The following NBN variants were observed in gnomAD, a reference collection of about 807,000 sequenced individuals.
The protein encoded by NBN is Nijmegen breakage syndrome 1 (nibrin).
NBN carries 88 observed loss-of-function variants against 90.8 expected under a neutral mutation model. That is an observed-to-expected ratio of 0.97 (90% CI 0.82 to 1.16). NBN has a LOEUF of 1.16. NBN is among the 50% of genes most tolerant of loss of function. The pLI is 0.00. For synonymous variants in NBN, 328 were observed against 295.1 expected (o/e 1.11, Z -1.14); for missense variants, 894 against 869.6 (o/e 1.03, Z -0.35).
intron 11 of NBN, among the ~76,000 whole-genome samples, chr8:89,950,658 GAA>G (rs1810404622): frequency 6.6e-6 from 1 of 152,114 alleles, no homozygotes; most frequent in South Asian, 2.1e-4. Context: ...AGGAAAAATG[GAA>G]TTATGCTATA....
At position 89,935,252 on chromosome 8, in the gene NBN, G is replaced by A; in HGVS notation, c.*330C>T. 3.5e-6 allele frequency: 1 copy of A among 286,076 alleles called. No homozygotes were observed. The highest frequency in any genetic ancestry group is 6.7e-6 in the Non-Finnish European group (1 of 149,774). 17.7% of individuals were successfully genotyped at this position (286,076 alleles called of 1,614,324 possible). On this transcript the variant is annotated 3_prime_UTR_variant, in exon 16 of 16. Coordinates refer to ENST00000265433, the MANE Select transcript of NBN (RefSeq NM_002485.5). ...TGAGTATCATGAATTTTTTTCTGAG[G>A]GGAACCAAGTAGCTAGGACAATGGT...
chr8:89,942,827 AG>A (rs1444541603), intron 14 of NBN, among the ~76,000 whole-genome samples: 1 of 152,224 alleles, frequency 6.6e-6, no homozygotes, highest in Non-Finnish European at 1.5e-5. Flanking sequence ...TGGGGAAAAC[AG>A]TAAAAAGGTA....
At chr8:89,959,585 T>C (rs1810897976) in intron 8 of NBN, among the ~76,000 whole-genome samples, 2 of 151,858 alleles carry the variant, frequency 1.3e-5, no homozygotes, top group South Asian at 4.2e-4. Flanking sequence ...AGACCCCATC[T>C]CTACAAAAAT....
chr8:89,943,199 A>T (rs553208721), intron 14 of NBN, 54 bp downstream of exon 14: 1 of 1,600,622 alleles, frequency 6.2e-7, no homozygotes, highest in African/African-American at 1.3e-5. Flanking sequence ...GAAGGCCACC[A>T]TAATGGACCA....
Position 89,935,332 on chromosome 8 carries a change from T to A in NBN, c.*250A>T, listed in dbSNP as rs2130735067. ...TACATTTAGAATTTTGAACTGTGAC[T>A]ATATTAACTATTTAATAAACAAAAC... On this transcript the variant is annotated 3_prime_UTR_variant, in exon 16 of 16. Transcript: ENST00000265433. 1 of 438,678 alleles carries A rather than the reference T, an allele frequency of 2.3e-6. No homozygotes were observed. The highest frequency in any genetic ancestry group is 2.7e-5 in the South Asian group (1 of 36,916). The allele number at this position is 438,678 out of a possible 1,614,324, so 27.2% of individuals were successfully genotyped here.
Position 89,939,972 on chromosome 8 carries a change from T to A in NBN, c.2185-2897A>T, listed in dbSNP as rs549021099. 7.4e-4 allele frequency among the ~76,000 whole-genome samples: 112 copies of A among 152,342 alleles called. 1 individual carries two copies. The highest frequency in any genetic ancestry group is 2.6e-3 in the African/African-American group (108 of 41,588). ...TGAGCCTTTCCTCTCCCAGATTCAA[T>A]GTCTTCAGACAACAGAAACTAGATG... is the stretch of plus-strand genomic sequence containing the variant. On this transcript the variant is annotated intron_variant, in intron 14 of 15. Coordinates refer to ENST00000265433, the MANE Select transcript of NBN (RefSeq NM_002485.5).
intron 14 of NBN, among the ~76,000 whole-genome samples, chr8:89,939,554 G>C (rs1335475944): frequency 3.4e-4 from 52 of 152,164 alleles, no homozygotes; most frequent in Admixed American, 3.3e-3. Context: ...AAGGAGAAGA[G>C]TTTAAGCCAT....
chr8:89,982,881 A>G, intron 1 of NBN, 26 bp from the exon 2 acceptor site: 2 of 1,606,298 alleles, frequency 1.2e-6, no homozygotes, highest in Non-Finnish European at 1.7e-6. Context: ...TTTTAAAAAA[A>G]GATAAGTTGA....
chr8:89,940,249 C>T (rs199572579), intron 14 of NBN, among the ~76,000 whole-genome samples: 3 of 151,944 alleles, frequency 2.0e-5, no homozygotes, highest in Admixed American at 6.6e-5. Flanking sequence ...TACCATGACC[C>T]GCTAATTTGT....
At chr8:89,980,606 G>T in intron 4 of NBN, 128 bp downstream of exon 4, 1 of 719,352 alleles carries the variant, frequency 1.4e-6, no homozygotes, top group Non-Finnish European at 2.3e-6. Context: ...GGGATGGAGT[G>T]GGTATATATA....
intron 11 of NBN, among the ~76,000 whole-genome samples, chr8:89,950,376 G>A (rs1810391964): frequency 6.6e-6 from 1 of 152,164 alleles, no homozygotes; most frequent in Admixed American, 6.5e-5. Flanking sequence ...CAATGTAAGT[G>A]CTACGTAAGT....
intron 12 of NBN, among the ~76,000 whole-genome samples, chr8:89,947,603 T>C (rs1482396961): frequency 6.6e-6 from 1 of 152,074 alleles, no homozygotes; most frequent in Admixed American, 6.6e-5. Context: ...CATTCCAGCC[T>C]GGGCAACAAG....
intron 14 of NBN, among the ~76,000 whole-genome samples, chr8:89,941,980 G>A (rs542717747): frequency 8.0e-4 from 122 of 152,242 alleles, no homozygotes; most frequent in African/African-American, 2.8e-3. Flanking sequence ...ACCCTGAGAG[G>A]TTAGCAAGGA....
At position 89,971,047 on chromosome 8, in the gene NBN, T is replaced by A. The variant is rs104895035; in HGVS notation, c.702+126A>T. On this transcript the variant is annotated intron_variant, in intron 6 of 15. Transcript: ENST00000265433. ...GCAGGTCTGGTGCCTGGGGTTTTTTTATTCTACTTCACACTTTTACACAAA... is the reference window on the plus strand; with the variant it reads ...GCAGGTCTGGTGCCTGGGGTTTTTTAATTCTACTTCACACTTTTACACAAA... 31 of 1,048,308 alleles carry A rather than the reference T, an allele frequency of 3.0e-5. No homozygotes were observed. Among genetic ancestry groups the A allele is most frequent in the Admixed American group, 1.0e-4 (4 of 39,882 alleles). The allele number at this position is 1,048,308 out of a possible 1,614,324, so 64.9% of individuals were successfully genotyped here.
intron 10 of NBN, among the ~76,000 whole-genome samples, chr8:89,954,680 A>G (rs1810615198): frequency 6.6e-6 from 1 of 152,126 alleles, no homozygotes; most frequent in African/African-American, 2.4e-5. Context: ...GTCAGTAATA[A>G]AGTCTCAAAA....
rs561195308 is a variant in NBN at position 89,947,976 on chromosome 8, G to A, written c.1846-84C>T. On this transcript the variant is annotated intron_variant, in intron 11 of 15. Transcript: ENST00000265433. ...CACTTCTTGGCCTTTTGAATAAGAT[G>A]AAGTGTAAAATGGTTCCTTTCTAAA... 3.8e-5 allele frequency: 31 copies of A among 815,448 alleles called. 1 individual carries two copies. In the South Asian group the frequency reaches 4.7e-4, roughly 12 times the overall value. 50.5% of individuals were successfully genotyped at this position (815,448 alleles called of 1,614,324 possible).
Position 89,970,549 on chromosome 8 carries a change from T to A in NBN, c.711A>T (p.Lys237Asn). Residue 237 changes from lysine (K) to asparagine (N), a missense_variant, in exon 7 of 16, where the codon AAA becomes AAT. Transcript: ENST00000265433. ...FIFLNAKQHK[K>N]LSSAVVFGGG... ...CTCCAAAGACAACTGCGGAACTCAA[T>A]TTCTTATGCTAAAAATGGAAGGAAA... The A allele has an allele frequency of 6.2e-7, 1 of 1,613,274 alleles. No individual in the cohort carries two copies. Among genetic ancestry groups the A allele is most frequent in the Non-Finnish European group, 8.5e-7 (1 of 1,179,288 alleles).
intron 11 of NBN, among the ~76,000 whole-genome samples, chr8:89,951,004 TGGG>T (rs1236391085): frequency 2.6e-5 from 4 of 151,764 alleles, no homozygotes; most frequent in African/African-American, 9.7e-5. Context: ...TAGACTAATC[TGGG>T]ATGGAATTTA....
At chr8:89,938,798 G>C (rs964329363) in intron 14 of NBN, among the ~76,000 whole-genome samples, 3 of 152,094 alleles carry the variant, frequency 2.0e-5, no homozygotes, top group Non-Finnish European at 2.9e-5. Flanking sequence ...TTCTAATAGG[G>C]ATAGCAAAAC....
Sources: gnomAD v4.1 joint callset for allele counts (sites outside exome capture counted in the v4.1 genomes callset) on GRCh38, gnomAD v4.1.1 for gene constraint, MANE v1.5 for transcripts, NCBI Gene and HGNC (gene_info 2026-07-23, HGNC 2026-07-21) for gene names.